RAPGEF4: variants seen among roughly 807,000 people sequenced by gnomAD.
RAPGEF4 encodes the protein Rap guanine nucleotide exchange factor 4, also known as RAP guanine-nucleotide-exchange factor (GEF) 4.
RAPGEF4 carries 66 observed loss-of-function variants against 147.9 expected under a neutral mutation model. The observed-to-expected ratio is 0.45, with a 90% CI of 0.37 to 0.55. RAPGEF4 has a LOEUF of 0.55. Ranked by LOEUF, RAPGEF4 falls within the 20% of genes least tolerant of loss-of-function variation. The pLI is 0.00. For synonymous variants in RAPGEF4, 419 were observed against 442.7 expected, an observed-to-expected ratio of 0.95 and a Z score of 0.67; for missense variants, 1,071 against 1,257.3, an observed-to-expected ratio of 0.85 and a Z score of 2.24.
At chr2:172,756,787 C>T (rs1337534676) in intron 1 of RAPGEF4, among the ~76,000 whole-genome samples, 1 of 152,170 alleles carries the variant, frequency 6.6e-6, no homozygotes, top group African/African-American at 2.4e-5. Flanking sequence ...TGTGCTATCC[C>T]TTGCAGAAAT....
chr2:172,988,080 C>A, intron 12 of RAPGEF4, 116 bp from the exon 13 acceptor site: 1 of 1,371,278 alleles, frequency 7.3e-7, no homozygotes, highest in Non-Finnish European at 9.4e-7. Flanking sequence ...AGTGATGTTT[C>A]TCGAATTTTA....
At chr2:172,819,669 T>G (rs2059424) in intron 4 of RAPGEF4, among the ~76,000 whole-genome samples, 31,323 of 128,448 alleles carry the variant, frequency 0.24, 3,286 homozygotes, top group African/African-American at 0.25. Context: ...GTTTCACCGT[T>G]TTAGCCAGGA....
intron 4 of RAPGEF4, among the ~76,000 whole-genome samples, chr2:172,883,914 A>G (rs1018853039): frequency 1.3e-5 from 2 of 152,230 alleles, no homozygotes; most frequent in Admixed American, 6.5e-5. Context: ...AGAACAAACC[A>G]TATATAAAAG....
intron 4 of RAPGEF4, among the ~76,000 whole-genome samples, chr2:172,902,937 T>A (rs1397697175): frequency 6.6e-6 from 1 of 152,178 alleles, no homozygotes; most frequent in Non-Finnish European, 1.5e-5. Context: ...TGGCTTAGAT[T>A]GACAAGGATG....
chr2:172,748,850 A>G (rs10204287), intron 1 of RAPGEF4, among the ~76,000 whole-genome samples: 35,338 of 152,146 alleles, frequency 0.23, 4,343 homozygotes, highest in South Asian at 0.29. Flanking sequence ...GGGGTTACAG[A>G]TATTGGGTAA....
At chr2:172,893,166 G>A (rs796687089) in intron 4 of RAPGEF4, among the ~76,000 whole-genome samples, 2 of 152,190 alleles carry the variant, frequency 1.3e-5, no homozygotes, top group African/African-American at 4.8e-5. Context: ...CGAAGATCCC[G>A]TGGAAATGGT....
chr2:172,842,844 G>A (rs1393438651), intron 4 of RAPGEF4, among the ~76,000 whole-genome samples: 1 of 152,244 alleles, frequency 6.6e-6, no homozygotes, highest in Non-Finnish European at 1.5e-5. Flanking sequence ...GGATGAGCAT[G>A]TGGGAGGGGA....
intron 4 of RAPGEF4, among the ~76,000 whole-genome samples, chr2:172,826,906 A>C (rs1689729560): frequency 6.6e-6 from 1 of 152,048 alleles, no homozygotes; most frequent in Non-Finnish European, 1.5e-5. Context: ...TTGAGGCTGC[A>C]GTGAGCCATG....
chr2:172,788,053 A>G (rs1174854164), intron 1 of RAPGEF4, among the ~76,000 whole-genome samples: 4 of 152,304 alleles, frequency 2.6e-5, no homozygotes, highest in Admixed American at 2.6e-4. Context: ...ACTCATAGAC[A>G]GCACCTTTTT....
chr2:172,831,322 G>A (rs766161872), intron 4 of RAPGEF4, among the ~76,000 whole-genome samples: 1 of 104,414 alleles, frequency 9.6e-6, no homozygotes, highest in Non-Finnish European at 1.9e-5. Context: ...AATCTGGAGT[G>A]CAGTGGCGCA....
chr2:172,918,309 T>C (rs1684315092), intron 5 of RAPGEF4, among the ~76,000 whole-genome samples: 1 of 149,394 alleles, frequency 6.7e-6, no homozygotes, highest in Admixed American at 6.7e-5. Flanking sequence ...GAGTCATTTA[T>C]TTAATCTTCT....
At chr2:172,840,236 G>A (rs553695384) in intron 4 of RAPGEF4, among the ~76,000 whole-genome samples, 1 of 152,158 alleles carries the variant, frequency 6.6e-6, no homozygotes, top group Non-Finnish European at 1.5e-5. Context: ...CTGGTTTAGA[G>A]GTTCTGAGCC....
chr2:172,812,487 G>A (rs1019242937), intron 3 of RAPGEF4, among the ~76,000 whole-genome samples: 3 of 152,144 alleles, frequency 2.0e-5, no homozygotes, highest in African/African-American at 7.2e-5. Context: ...GTTGATTATT[G>A]GCGAAAGACA....
intron 3 of RAPGEF4, among the ~76,000 whole-genome samples, chr2:172,807,584 G>A (rs575942826): frequency 6.6e-6 from 1 of 152,342 alleles, no homozygotes; most frequent in South Asian, 2.1e-4. Flanking sequence ...GGAGCACCCA[G>A]TAAATTCCAG....
intron 11 of RAPGEF4, 111 bp downstream of exon 11, chr2:172,983,691 T>G: frequency 2.0e-6 from 3 of 1,478,282 alleles, no homozygotes; most frequent in East Asian, 2.4e-5. Flanking sequence ...GATTTTCACC[T>G]CATAAATCAC....
chr2:172,906,458 G>T (rs1699641264), intron 4 of RAPGEF4, among the ~76,000 whole-genome samples: 1 of 152,186 alleles, frequency 6.6e-6, no homozygotes, highest in Non-Finnish European at 1.5e-5. Context: ...TGTTTTTAAT[G>T]CTTTTCTGGT....
intron 4 of RAPGEF4, among the ~76,000 whole-genome samples, chr2:172,829,037 T>C (rs1405125815): frequency 1.3e-5 from 2 of 152,110 alleles, no homozygotes; most frequent in African/African-American, 2.4e-5. Context: ...ACATCTCCAA[T>C]TGCTGATTTA....
At chr2:172,804,116 T>C (rs1687241139) in intron 3 of RAPGEF4, among the ~76,000 whole-genome samples, 1 of 151,966 alleles carries the variant, frequency 6.6e-6, no homozygotes. Context: ...TTGATGGAAT[T>C]TTTTCTGAAA....
At chr2:172,801,600 G>A (rs948791986) in intron 3 of RAPGEF4, among the ~76,000 whole-genome samples, 13 of 152,268 alleles carry the variant, frequency 8.5e-5, no homozygotes, top group African/African-American at 3.1e-4. Flanking sequence ...TCCCCTTAGT[G>A]CTGTGGTTTG....
Sources: allele counts gnomAD v4.1 joint callset (sites outside exome capture counted in the v4.1 genomes callset), GRCh38; gene constraint gnomAD v4.1.1; transcripts MANE v1.5; gene names NCBI Gene and HGNC (gene_info 2026-07-23, HGNC 2026-07-21).